Variants in VCAN observed in about 807,000 individuals in gnomAD.
VCAN encodes versican.
VCAN carries 44 observed loss-of-function variants against 245.5 expected under a neutral mutation model. The observed-to-expected ratio is 0.18, with a 90% CI of 0.14 to 0.23. The LOEUF is 0.23. VCAN is among the 10% of genes least tolerant of loss of function. The pLI, the probability that VCAN is intolerant of heterozygous loss-of-function variation, is 1.00. For synonymous variants in VCAN, 1,413 were observed against 1,437.0 expected, an observed-to-expected ratio of 0.98 and a Z score of 0.38; for missense variants, 3,793 against 4,057.9, an observed-to-expected ratio of 0.93 and a Z score of 1.77.
chr5:83,572,599 A>G, intron 13 of VCAN, 39 bp downstream of exon 13: 2 of 1,611,478 alleles, frequency 1.2e-6, no homozygotes, highest in Non-Finnish European at 1.7e-6. Context: ...CTTAATCTTC[A>G]TTTCAATTAT....
chr5:83,540,352 C>T lies in VCAN; in HGVS notation c.7349C>T (p.Ala2450Val). 6.2e-7 allele frequency: 1 copy of T among 1,614,056 alleles called. No individual in the cohort carries two copies. Among genetic ancestry groups the T allele is most frequent in the East Asian group, 2.2e-5 (1 of 44,876 alleles). ...DSFHTSATTQATRQESSTTFV... is the reference protein window; with the variant it reads ...DSFHTSATTQVTRQESSTTFV... The stretch of plus-strand genomic sequence containing the variant: ...TTTCACACTTCTGCAACTACTCAGG[C>T]AACCAGACAAGAAAGCAGCACCACA... Residue 2450 changes from alanine to valine, a missense_variant, in exon 8 of 15, where the codon GCA (alanine) becomes GTA (valine). Physicochemically the swap from Ala to Val is moderately conservative, Grantham distance 64. Coordinates refer to ENST00000265077, the MANE Select transcript of VCAN (RefSeq NM_004385.5).
chr5:83,531,474 T>A (rs1256651768), intron 7 of VCAN: 2 of 152,144 alleles, frequency 1.3e-5, no homozygotes, highest in Non-Finnish European at 2.9e-5. Context: ...TGGAATATAG[T>A]ATAATCATCA....
chr5:83,534,679 G>A (rs1206057493), intron 7 of VCAN, among the ~76,000 whole-genome samples: 1 of 152,010 alleles, frequency 6.6e-6, no homozygotes, highest in Non-Finnish European at 1.5e-5. Context: ...ATCCCATGAA[G>A]TTGTACTGAA....
At chr5:83,513,864 A>G (rs1745752172) in intron 6 of VCAN, among the ~76,000 whole-genome samples, 1 of 152,182 alleles carries the variant, frequency 6.6e-6, no homozygotes, top group Non-Finnish European at 1.5e-5. Context: ...TGGGGAAGGC[A>G]TTGGAGAGGT....
At chr5:83,558,189 T>G (rs1421749092) in intron 12 of VCAN, among the ~76,000 whole-genome samples, 2 of 152,168 alleles carry the variant, frequency 1.3e-5, no homozygotes, top group African/African-American at 4.8e-5. Flanking sequence ...TTTTCTACAG[T>G]CACCATCCCC....
intron 12 of VCAN, among the ~76,000 whole-genome samples, chr5:83,570,240 C>T (rs1177397113): frequency 2.6e-5 from 4 of 151,634 alleles, no homozygotes; most frequent in East Asian, 1.9e-4. Flanking sequence ...GTTTTTCCCC[C>T]GAGAAATAAA....
In VCAN at chr5:83,539,206, G is replaced by A. The variant is rs1231330627; in HGVS notation, c.6203G>A (p.Gly2068Asp). The part of the protein sequence containing the change: ...STILPTAEVE[G>D]TKAPVEKEEV... ...ATTTTACCAACAGCAGAAGTGGAAG[G>A]TACGAAAGCTCCAGTAGAGAAGGAG... The change falls in exon 8 of 15, where the codon GGT becomes GAT. Residue 2068 changes from glycine (G) to aspartate (D), a missense_variant. By Grantham distance (94) the Gly-to-Asp change is moderately conservative (BLOSUM62 -1). Transcript: ENST00000265077. 1 of 1,613,968 alleles carries A rather than the reference G, an allele frequency of 6.2e-7. No homozygotes were observed. The highest frequency in any genetic ancestry group is 2.2e-5 in the East Asian group (1 of 44,852).
At chr5:83,562,647 A>C (rs774631515) in intron 12 of VCAN, among the ~76,000 whole-genome samples, 5 of 131,040 alleles carry the variant, frequency 3.8e-5, no homozygotes, top group African/African-American at 7.8e-5. Flanking sequence ...GCAATGCATA[A>C]CCATGGAAAA....
chr5:83,553,099 C>G (rs1380944379), intron 10 of VCAN, among the ~76,000 whole-genome samples: 1 of 152,240 alleles, frequency 6.6e-6, no homozygotes, highest in Non-Finnish European at 1.5e-5. Context: ...GCTGGCCCCT[C>G]TTCCAGTTTT....
At chr5:83,499,500 T>G (rs979877899) in intron 5 of VCAN, among the ~76,000 whole-genome samples, 2 of 152,178 alleles carry the variant, frequency 1.3e-5, no homozygotes, top group African/African-American at 4.8e-5. Context: ...CTTGAAAAAA[T>G]GCTTTGCTTT....
chr5:83,515,626 C>T (rs182293688), intron 6 of VCAN, among the ~76,000 whole-genome samples: 16 of 152,248 alleles, frequency 1.1e-4, no homozygotes, highest in African/African-American at 3.9e-4. Context: ...TTGATATGTT[C>T]TTGCTTTGAA....
At chr5:83,529,005 C>G (rs970946003) in intron 7 of VCAN, among the ~76,000 whole-genome samples, 4 of 151,512 alleles carry the variant, frequency 2.6e-5, no homozygotes, top group African/African-American at 9.7e-5. Context: ...CACACACACA[C>G]ACACACACAC....
chr5:83,541,852 C>A lies in VCAN; in HGVS notation c.8849C>A (p.Thr2950Asn). ...GGAGAAGCAATCAAGATGTTTCCCACCATTAAAACACCTGAGGCTGGAACT... is the reference window on the plus strand; with the variant it reads ...GGAGAAGCAATCAAGATGTTTCCCAACATTAAAACACCTGAGGCTGGAACT... ...VSGEAIKMFP[T>N]IKTPEAGTVI... The change falls in exon 8 of 15, where the codon ACC (threonine) becomes AAC (asparagine). Residue 2950 changes from threonine to asparagine, a missense_variant. Physicochemically the swap from Thr to Asn is moderately conservative, Grantham distance 65. Around this residue, in one of 5 missense-constraint regions of VCAN, gnomAD observed 3,182 missense variants for 3,250.3 expected, o/e 0.98. Coordinates refer to ENST00000265077, the MANE Select transcript of VCAN (RefSeq NM_004385.5). 1 of 1,614,028 alleles carries A rather than the reference C, an allele frequency of 6.2e-7. No homozygotes were observed. Among genetic ancestry groups the A allele is most frequent in the Non-Finnish European group, 8.5e-7 (1 of 1,179,990 alleles).
In VCAN at chr5:83,478,257, A is replaced by G. The variant is rs1359061590; in HGVS notation, c.-6-5256A>G. 2.0e-5 allele frequency among the ~76,000 whole-genome samples: 3 copies of G among 152,182 alleles called. No homozygotes were observed. In the East Asian group the frequency reaches 5.8e-4, roughly 29 times the overall value. On this transcript the variant is annotated intron_variant, in intron 1 of 14. Coordinates refer to ENST00000265077, the MANE Select transcript of VCAN (RefSeq NM_004385.5). Reference sequence around the variant, plus strand: ...CACTGTGCCTGGCAAAAATAAAATTAAAAAGTTTGATGCAAGTTTGTGTTG... The same window carrying G: ...CACTGTGCCTGGCAAAAATAAAATTGAAAAGTTTGATGCAAGTTTGTGTTG...
chr5:83,493,624 T>G lies in VCAN; in HGVS notation c.524T>G (p.Val175Gly). Reference sequence around the variant, plus strand: ...GCTGCTCAGAAGGCTTGTTTGGACGTTGGGGCAGTCATAGCAACTCCAGAG... The same window carrying G: ...GCTGCTCAGAAGGCTTGTTTGGACGGTGGGGCAGTCATAGCAACTCCAGAG... Reference protein sequence around the residue: ...FEAAQKACLDVGAVIATPEQL... With the variant: ...FEAAQKACLDGGAVIATPEQL... Residue 175 changes from valine to glycine, a missense_variant, in exon 4 of 15, where the codon GTT becomes GGT. Transcript: ENST00000265077. The G allele has an allele frequency of 6.2e-7, 1 of 1,614,058 alleles. No individual in the cohort carries two copies. The highest frequency in any genetic ancestry group is 8.5e-7 in the Non-Finnish European group (1 of 1,180,014).
chr5:83,518,677 A>G (rs1018235118), intron 6 of VCAN, among the ~76,000 whole-genome samples: 2 of 152,238 alleles, frequency 1.3e-5, no homozygotes, highest in Non-Finnish European at 1.5e-5. Context: ...TACACCATGA[A>G]GTTGAAAGAA....
At chr5:83,487,732 C>T (rs577691104) in intron 2 of VCAN, among the ~76,000 whole-genome samples, 3 of 152,142 alleles carry the variant, frequency 2.0e-5, no homozygotes, top group South Asian at 4.1e-4. Flanking sequence ...AGTAAACAAC[C>T]CTTGGGAAAT....
At chr5:83,472,064 C>CA (rs1458461347) in intron 1 of VCAN, 41 bp downstream of exon 1, 2 of 296,064 alleles carry the variant, frequency 6.8e-6, no homozygotes, top group Non-Finnish European at 1.2e-5. Flanking sequence ...AAAACAAAAA[C>CA]AAAAAACTTA....
At chr5:83,522,877 T>C (rs1746161068) in intron 7 of VCAN, among the ~76,000 whole-genome samples, 2 of 152,150 alleles carry the variant, frequency 1.3e-5, no homozygotes, top group African/African-American at 2.4e-5. Flanking sequence ...TCTTATGCTA[T>C]TGTTTTGGGG....
Sources: allele counts gnomAD v4.1 joint callset (sites outside exome capture counted in the v4.1 genomes callset), GRCh38; gene constraint gnomAD v4.1.1; regional missense constraint gnomAD v4.1.1; transcripts MANE v1.5; gene names NCBI Gene and HGNC (gene_info 2026-07-23, HGNC 2026-07-21).